The following ETV6 variants were observed in gnomAD, a reference collection of about 807,000 sequenced individuals.
The protein encoded by ETV6 is transcription factor ETV6.
A neutral mutation model predicts 51.1 loss-of-function variants in ETV6; 16 were observed. That is an observed-to-expected ratio of 0.31 (90% confidence interval 0.21 to 0.48). ETV6 has a LOEUF of 0.48. Ranked by LOEUF, ETV6 falls within the 20% of genes least tolerant of loss-of-function variation. The probability of loss-of-function intolerance (pLI) is 0.99; values close to 1 mark genes in which losing one functional copy is unlikely to be tolerated. For synonymous variants in ETV6, 240 were observed against 224.1 expected, an observed-to-expected ratio of 1.07 and a Z score of -0.64; for missense variants, 458 against 594.8, an observed-to-expected ratio of 0.77 and a Z score of 2.39.
chr12:11,781,746 C>T (rs1196355253), intron 2 of ETV6, among the ~76,000 whole-genome samples: 2 of 152,110 alleles, frequency 1.3e-5, no homozygotes, highest in Admixed American at 6.5e-5. Context: ...AACCCTATTA[C>T]GTTTTATTTA....
chr12:11,775,480 AT>A lies in ETV6; in HGVS notation c.163+22904del, dbSNP rs1037648752. The stretch of plus-strand genomic sequence containing the variant: ...TAAAATGTCTTTAGGGTAATTTTGT[AT>A]TTACATCTTCAGCAAATATTAACTG... On this transcript the variant is annotated intron_variant, in intron 2 of 7. Transcript: ENST00000396373. 5.3e-5 allele frequency among the ~76,000 whole-genome samples: 8 copies of A among 152,310 alleles called. No individual in the cohort carries two copies. The South Asian group carries it at 1.4e-3, about 28-fold the overall frequency.
chr12:11,669,633 A>C (rs1343318831), intron 1 of ETV6, among the ~76,000 whole-genome samples: 4 of 147,770 alleles, frequency 2.7e-5, no homozygotes, highest in East Asian at 2.0e-4. Context: ...TCAGTTCTCC[A>C]CCTCCTCCCC....
intron 4 of ETV6, among the ~76,000 whole-genome samples, chr12:11,867,136 A>G (rs1258518616): frequency 1.3e-5 from 2 of 152,152 alleles, no homozygotes; most frequent in African/African-American, 4.8e-5. Context: ...TGATACCTTC[A>G]AATAGTTTTT....
At position 11,658,481 on chromosome 12, in the gene ETV6, T is replaced by C. The variant is rs889764729; in HGVS notation, c.33+8321T>C. 2.6e-5 allele frequency among the ~76,000 whole-genome samples: 4 copies of C among 152,322 alleles called. No individual in the cohort carries two copies. The East Asian group carries it at 7.7e-4, about 29-fold the overall frequency. ...AACTCCCGACTTCAATTGATCCTCC[T>C]GCCTCGGCCTCTGAAAGTGCTGGGA... On this transcript the variant is annotated intron_variant, in intron 1 of 7. Transcript: ENST00000396373.
chr12:11,763,043 A>G (rs961825416), intron 2 of ETV6, among the ~76,000 whole-genome samples: 1 of 152,024 alleles, frequency 6.6e-6, no homozygotes, highest in African/African-American at 2.4e-5. Flanking sequence ...AGGTTCCCAA[A>G]CCTGTTATTC....
At chr12:11,830,435 C>T (rs1383550818) in intron 2 of ETV6, among the ~76,000 whole-genome samples, 1 of 152,212 alleles carries the variant, frequency 6.6e-6, no homozygotes, top group African/African-American at 2.4e-5. Flanking sequence ...TTCTGAACTT[C>T]AGTTTCTTCT....
intron 1 of ETV6, among the ~76,000 whole-genome samples, chr12:11,659,898 C>T (rs1392947567): frequency 6.6e-6 from 1 of 151,994 alleles, no homozygotes; most frequent in South Asian, 2.1e-4. Flanking sequence ...GGAAGAGTGC[C>T]GGGGTCTCTA....
intron 1 of ETV6, among the ~76,000 whole-genome samples, chr12:11,749,340 CACACACACA>C (rs1565510547): frequency 7.6e-5 from 9 of 118,728 alleles, no homozygotes; most frequent in East Asian, 5.8e-4. Flanking sequence ...CACACACACA[CACACACACA>C]CCCCTACTCC....
chr12:11,735,903 T>A (rs1447628089), intron 1 of ETV6, among the ~76,000 whole-genome samples: 1 of 152,236 alleles, frequency 6.6e-6, no homozygotes, highest in Non-Finnish European at 1.5e-5. Context: ...CCCGGCCAGC[T>A]CGTCGCTTAT....
intron 1 of ETV6, among the ~76,000 whole-genome samples, chr12:11,699,755 C>A (rs1591617303): frequency 1.3e-5 from 2 of 152,166 alleles, no homozygotes; most frequent in South Asian, 4.2e-4. Context: ...TGGCCACCCT[C>A]TGTGTTATGT....
At chr12:11,750,109 C>T (rs975535857) in intron 1 of ETV6, among the ~76,000 whole-genome samples, 2 of 152,044 alleles carry the variant, frequency 1.3e-5, no homozygotes, top group African/African-American at 2.4e-5. Context: ...ACGGGGTTTG[C>T]GGGGGATGGC....
chr12:11,723,944 ACT>A (rs913305740), intron 1 of ETV6, among the ~76,000 whole-genome samples: 7 of 149,586 alleles, frequency 4.7e-5, no homozygotes, highest in African/African-American at 1.7e-4. Flanking sequence ...CCGGACCTAC[ACT>A]CTCGGGGGTG....
At chr12:11,884,011 A>G (rs968269780) in intron 5 of ETV6, among the ~76,000 whole-genome samples, 11 of 151,768 alleles carry the variant, frequency 7.2e-5, no homozygotes, top group African/African-American at 2.7e-4. Context: ...TCACTCCACT[A>G]TTTTTTACCA....
intron 1 of ETV6, among the ~76,000 whole-genome samples, chr12:11,723,754 C>G (rs777907610): frequency 3.9e-5 from 6 of 152,180 alleles, no homozygotes; most frequent in African/African-American, 9.6e-5. Flanking sequence ...TTCTTTTCCC[C>G]AACTGCAGGG....
At chr12:11,850,662 TACA>T (rs1946540030) in intron 3 of ETV6, among the ~76,000 whole-genome samples, 1 of 152,214 alleles carries the variant, frequency 6.6e-6, no homozygotes, top group African/African-American at 2.4e-5. Context: ...ATTGAATCGT[TACA>T]ACGATCTCAC....
chr12:11,759,021 C>T (rs917664846), intron 2 of ETV6, among the ~76,000 whole-genome samples: 1 of 152,206 alleles, frequency 6.6e-6, no homozygotes, highest in Non-Finnish European at 1.5e-5. Context: ...CACAGCAGAA[C>T]AGCCAGGATG....
chr12:11,697,341 G>A (rs537657245), intron 1 of ETV6, among the ~76,000 whole-genome samples: 3 of 152,298 alleles, frequency 2.0e-5, no homozygotes, highest in African/African-American at 7.2e-5. Context: ...ACTTAGCAGA[G>A]GCTGCAGGCA....
chr12:11,891,388 G>T lies in ETV6; in HGVS notation c.*342G>T. 2.9e-6 allele frequency: 1 copy of T among 340,924 alleles called. No homozygotes were observed. The highest frequency in any genetic ancestry group is 5.4e-6 in the Non-Finnish European group (1 of 184,638). The allele number at this position is 340,924 out of a possible 1,614,324, so 21.1% of individuals were successfully genotyped here. A position where few individuals can be genotyped will look rare whatever the true frequency, so the allele number is the denominator to read the frequency against. On this transcript the variant is annotated 3_prime_UTR_variant, in exon 8 of 8. Coordinates refer to ENST00000396373, the MANE Select transcript of ETV6 (RefSeq NM_001987.5). The stretch of plus-strand genomic sequence containing the variant: ...GTTTTTGTTTTTGTTTTAAGAACCT[G>T]CAGTTTGACTCTTCATCGTTCATCT...
At chr12:11,811,090 A>G (rs1945905817) in intron 2 of ETV6, among the ~76,000 whole-genome samples, 1 of 152,200 alleles carries the variant, frequency 6.6e-6, no homozygotes, top group Non-Finnish European at 1.5e-5. Context: ...GATTCTTTTC[A>G]GGGTTTTTCC....
Sources: allele counts gnomAD v4.1 joint callset (sites outside exome capture counted in the v4.1 genomes callset), GRCh38; gene constraint gnomAD v4.1.1; transcripts MANE v1.5; gene names NCBI Gene and HGNC (gene_info 2026-07-23, HGNC 2026-07-21).